ARHGEF28: variants seen among roughly 807,000 people sequenced by gnomAD.
The protein encoded by ARHGEF28 is 190 kDa guanine nucleotide exchange factor.
In ARHGEF28, 152 loss-of-function variants were observed where a neutral mutation model predicts 206.6. The observed-to-expected ratio is 0.74, with a 90% CI of 0.64 to 0.84. The LOEUF (loss-of-function observed/expected upper bound fraction) is 0.84, where lower values mean the gene tolerates loss of function less well. Among genes scored for constraint, ARHGEF28 ranks in the 40% least tolerant of loss-of-function variants. The pLI is 0.00. For synonymous variants in ARHGEF28, 763 were observed against 776.4 expected, an observed-to-expected ratio of 0.98 and a Z score of 0.29; for missense variants, 2,028 against 2,073.2, an observed-to-expected ratio of 0.98 and a Z score of 0.42.
chr5:73,739,140 T>C (rs1348337346), intron 2 of ARHGEF28, among the ~76,000 whole-genome samples: 1 of 152,046 alleles, frequency 6.6e-6, no homozygotes, highest in African/African-American at 2.4e-5. Context: ...CTTTTTTTTT[T>C]CCAAACAAGT....
At position 73,858,079 on chromosome 5, in the gene ARHGEF28, A is replaced by G; in HGVS notation, c.1915-8A>G. ...CCCACTTTCCTACTGCTGCTGCTGC[A>G]TCTGAAGACAAAAAGCAAGGATGCC... On this transcript the variant is annotated splice_polypyrimidine_tract_variant and splice_region_variant and intron_variant, in intron 15 of 35. Transcript: ENST00000513042. 6.3e-7 allele frequency: 1 copy of G among 1,596,708 alleles called. No individual in the cohort carries two copies. The highest frequency in any genetic ancestry group is 8.5e-7 in the Non-Finnish European group (1 of 1,174,802).
intron 1 of ARHGEF28, among the ~76,000 whole-genome samples, chr5:73,635,640 C>A (rs1743661455): frequency 1.3e-5 from 2 of 152,244 alleles, no homozygotes; most frequent in Admixed American, 6.5e-5. Context: ...TGTGGAATAA[C>A]CTGTCTCCTT....
At chr5:73,640,962 C>T (rs763920164) in intron 1 of ARHGEF28, among the ~76,000 whole-genome samples, 4 of 152,118 alleles carry the variant, frequency 2.6e-5, no homozygotes, top group Non-Finnish European at 5.9e-5. Flanking sequence ...AGCACTTCTG[C>T]GTTTAGTAAC....
intron 2 of ARHGEF28, among the ~76,000 whole-genome samples, chr5:73,696,601 A>G (rs1381722487): frequency 6.6e-6 from 1 of 152,168 alleles, no homozygotes; most frequent in African/African-American, 2.4e-5. Context: ...TAAAATTTGT[A>G]ATTTGTCTTT....
At chr5:73,660,545 C>G (rs1561315742) in intron 1 of ARHGEF28, among the ~76,000 whole-genome samples, 1 of 152,134 alleles carries the variant, frequency 6.6e-6, no homozygotes, top group East Asian at 1.9e-4. Flanking sequence ...TTTCAGTTTA[C>G]TTTGCTCAGA....
At chr5:73,723,026 C>T (rs1419949094) in intron 2 of ARHGEF28, among the ~76,000 whole-genome samples, 1 of 152,114 alleles carries the variant, frequency 6.6e-6, no homozygotes, top group African/African-American at 2.4e-5. Context: ...ATATTTTAGT[C>T]CATATTCTAA....
intron 22 of ARHGEF28, 74 bp from the exon 23 acceptor site, chr5:73,882,398 T>C: frequency 9.2e-7 from 1 of 1,091,058 alleles, no homozygotes; most frequent in South Asian, 2.2e-5. Context: ...TTGAAATAGA[T>C]GAAAATTGCA....
intron 35 of ARHGEF28, among the ~76,000 whole-genome samples, chr5:73,933,637 C>T (rs1394826363): frequency 6.6e-6 from 1 of 152,134 alleles, no homozygotes; most frequent in Non-Finnish European, 1.5e-5. Context: ...CTTTTCAAAC[C>T]TATTCAAAAG....
chr5:73,822,770 T>A (rs80184504), intron 9 of ARHGEF28, among the ~76,000 whole-genome samples: 6,715 of 152,196 alleles, frequency 0.044, 208 homozygotes, highest in African/African-American at 0.076. Context: ...TATACAGACA[T>A]GCACCACCAC....
At chr5:73,729,417 A>G (rs140068902) in intron 2 of ARHGEF28, among the ~76,000 whole-genome samples, 2,081 of 152,086 alleles carry the variant, frequency 0.014, 64 homozygotes, top group African/African-American at 0.047. Flanking sequence ...ATGCTGCCTT[A>G]GGGGGAGCTG....
intron 4 of ARHGEF28, among the ~76,000 whole-genome samples, chr5:73,759,616 TA>T (rs1414851417): frequency 6.6e-6 from 1 of 152,222 alleles, no homozygotes; most frequent in African/African-American, 2.4e-5. Context: ...AATTTATTAT[TA>T]TTTTTAATTC....
At chr5:73,639,480 C>A (rs1036115080) in intron 1 of ARHGEF28, among the ~76,000 whole-genome samples, 1 of 151,650 alleles carries the variant, frequency 6.6e-6, no homozygotes, top group Non-Finnish European at 1.5e-5. Context: ...ATATGCACAC[C>A]ATAACTATAA....
At chr5:73,922,356 G>A (rs1463394862) in intron 35 of ARHGEF28, among the ~76,000 whole-genome samples, 1 of 152,220 alleles carries the variant, frequency 6.6e-6, no homozygotes, top group Non-Finnish European at 1.5e-5. Flanking sequence ...TCAGAAAGGA[G>A]ACATGTTTCC....
chr5:73,765,487 GT>G (rs1380412060), intron 4 of ARHGEF28, among the ~76,000 whole-genome samples: 1 of 152,164 alleles, frequency 6.6e-6, no homozygotes, highest in African/African-American at 2.4e-5. Flanking sequence ...GTGGCCAGTG[GT>G]TTTTGGATAT....
chr5:73,935,575 T>C (rs752418914), intron 35 of ARHGEF28, among the ~76,000 whole-genome samples: 8 of 152,200 alleles, frequency 5.3e-5, no homozygotes, highest in Non-Finnish European at 1.0e-4. Flanking sequence ...TGAGAAACCA[T>C]AGGGATTGCC....
At chr5:73,813,698 C>G in intron 9 of ARHGEF28, 2 of 1,530,210 alleles carry the variant, frequency 1.3e-6, no homozygotes, top group Non-Finnish European at 1.8e-6. Context: ...CTTTTCTTTC[C>G]TTCACGGGCA....
chr5:73,927,008 A>C (rs1763851707), intron 35 of ARHGEF28, among the ~76,000 whole-genome samples: 1 of 152,096 alleles, frequency 6.6e-6, no homozygotes, highest in Admixed American at 6.5e-5. Flanking sequence ...GCTCCTTCTT[A>C]AGAGGAGGCT....
At chr5:73,858,365 G>A in intron 16 of ARHGEF28, 146 bp downstream of exon 16, 1 of 1,089,432 alleles carries the variant, frequency 9.2e-7, no homozygotes, top group Non-Finnish European at 1.3e-6. Flanking sequence ...GACTGATACT[G>A]GTTAGAGTCA....
intron 9 of ARHGEF28, among the ~76,000 whole-genome samples, chr5:73,820,341 C>T (rs1367057634): frequency 6.6e-6 from 1 of 152,098 alleles, no homozygotes; most frequent in East Asian, 1.9e-4. Flanking sequence ...TCTTCCTTGT[C>T]AAGCTGTTGT....
Sources: gnomAD v4.1 joint callset for allele counts (sites outside exome capture counted in the v4.1 genomes callset) on GRCh38, gnomAD v4.1.1 for gene constraint, MANE v1.5 for transcripts, NCBI Gene and HGNC (gene_info 2026-07-23, HGNC 2026-07-21) for gene names.